CES2: variants seen among roughly 807,000 people sequenced by gnomAD.
CES2 encodes the protein carboxylesterase 2.
CES2 carries 42 observed loss-of-function variants against 52.1 expected under a neutral mutation model. The observed-to-expected ratio is 0.81, with a 90% CI of 0.63 to 1.04. The LOEUF (loss-of-function observed/expected upper bound fraction) is 1.04, where lower values mean the gene tolerates loss of function less well. CES2 is among the 50% of genes least tolerant of loss of function. CES2 has a pLI of 0.00. For synonymous variants in CES2, 277 were observed against 289.6 expected (o/e 0.96, Z 0.44); for missense variants, 656 against 724.3 (o/e 0.91, Z 1.08).
chr16:66,939,424 C>G, intron 3 of CES2, 66 bp downstream of exon 3: 1 of 1,536,366 alleles, frequency 6.5e-7, no homozygotes, highest in Non-Finnish European at 9.0e-7. Context: ...CTGAAAAGGA[C>G]AATATTAGCT....
intron 1 of CES2, among the ~76,000 whole-genome samples, chr16:66,937,354 G>A (rs11568311): frequency 0.07 from 10,706 of 152,166 alleles, 441 homozygotes; most frequent in African/African-American, 0.11. Context: ...TGTTGACACC[G>A]CAGTACACAC....
chr16:66,935,476 C>T (rs1454131387), upstream of CES2: 1 of 1,613,372 alleles, frequency 6.2e-7, no homozygotes, highest in South Asian at 1.1e-5. Flanking sequence ...CTACCACACC[C>T]ACCTTTCCCG....
At position 66,940,616 on chromosome 16, in the gene CES2, T is replaced by A; in HGVS notation, c.737T>A (p.Leu246His). The A allele has an allele frequency of 1.2e-6, 2 of 1,614,240 alleles. No homozygotes were observed. The highest frequency in any genetic ancestry group is 1.1e-5 in the South Asian group (1 of 91,086). ...GTTGTGTCCCCCATATCCCAAGGAC[T>A]CTTCCACGGAGCCATCATGGAGAGT... ...SLVVSPISQG[L>H]FHGAIMESGV... Residue 246 changes from leucine to histidine, a missense_variant, in exon 5 of 12, where the codon CTC becomes CAC. Physicochemically the swap from Leu to His is moderately conservative, Grantham distance 99 (BLOSUM62 -3). Transcript: ENST00000317091.
At position 66,943,957 on chromosome 16, in the gene CES2, T is replaced by A; in HGVS notation, c.1612T>A (p.Trp538Arg). 1 of 1,605,494 alleles carries A rather than the reference T, an allele frequency of 6.2e-7. No individual in the cohort carries two copies. The highest frequency in any genetic ancestry group is 8.5e-7 in the Non-Finnish European group (1 of 1,173,940). Reference sequence around the variant, plus strand: ...TCTGAAGGCCCACAGGCTCCAGTTCTGGAAGAAGGCGCTGCCCCAAAAGAT... The same window carrying A: ...TCTGAAGGCCCACAGGCTCCAGTTCAGGAAGAAGGCGCTGCCCCAAAAGAT... ...RALKAHRLQF[W>R]KKALPQKIQE... The change falls in exon 12 of 12, where the codon TGG becomes AGG. Residue 538 changes from tryptophan (W) to arginine (R), a missense_variant. Transcript: ENST00000317091. This position sits in a 1 kb window ranked among gnomAD's most constrained non-coding sequence, Gnocchi z 4.2.
Position 66,941,679 on chromosome 16 carries a change from G to C in CES2, c.1056+33G>C, listed in dbSNP as rs200629282. The C allele has an allele frequency of 5.8e-5, 94 of 1,613,158 alleles. No homozygotes were observed. In the African/African-American group the frequency reaches 1.1e-3, roughly 19 times the overall value. On this transcript the variant is annotated intron_variant, in intron 7 of 11. Transcript: ENST00000317091. Reference sequence around the variant, plus strand: ...CCAACCCAAGCCCACAAGTGCCTGGGGAGCCCATCTGGTAGTGGGGGGTGT... The same window carrying C: ...CCAACCCAAGCCCACAAGTGCCTGGCGAGCCCATCTGGTAGTGGGGGGTGT...
intron 8 of CES2, 47 bp from the exon 9 acceptor site, chr16:66,942,058 C>T (rs762778979): frequency 4.5e-6 from 7 of 1,573,026 alleles, no homozygotes; most frequent in African/African-American, 4.0e-5. Flanking sequence ...TCCTCCCTGC[C>T]CCTGGCATCC....
At chr16:66,937,888 T>G in intron 1 of CES2, 149 bp from the exon 2 acceptor site, 4 of 658,976 alleles carry the variant, frequency 6.1e-6, no homozygotes, top group South Asian at 1.8e-5. Context: ...GGGAAGGGAG[T>G]GTTACAGGCA....
chr16:66,936,174 A>T (rs548513166), intron 1 of CES2, among the ~76,000 whole-genome samples: 4 of 152,284 alleles, frequency 2.6e-5, no homozygotes, highest in East Asian at 3.9e-4. Context: ...TCAGACAAGG[A>T]TAGTGGTCCT....
In CES2 at chr16:66,943,900, C is replaced by T. The variant is rs775728906; in HGVS notation, c.1555C>T (p.Gln519Ter). ...PLFDQEEQYLQLNLQPAVGRA... is the reference protein window; with the variant it reads ...PLFDQEEQYL ...GTTCGACCAGGAGGAGCAATACCTGCAGCTGAACCTACAGCCTGCGGTGGG... is the reference window on the plus strand; with the variant it reads ...GTTCGACCAGGAGGAGCAATACCTGTAGCTGAACCTACAGCCTGCGGTGGG... The change falls in exon 12 of 12, where the codon CAG (glutamine) becomes TAG (stop). Residue 519 changes from glutamine (Q) to a stop codon, truncating the protein, a stop_gained. Coordinates refer to ENST00000317091, the MANE Select transcript of CES2 (RefSeq NM_001365405.1). LOFTEE classifies it low-confidence loss of function (END_TRUNC). The surrounding 1 kb of genome is among the most constrained non-coding windows in gnomAD (Gnocchi z 4.2). The T allele has an allele frequency of 6.2e-7, 1 of 1,610,292 alleles. No individual in the cohort carries two copies. The highest frequency in any genetic ancestry group is 1.3e-5 in the African/African-American group (1 of 74,986).
At chr16:66,935,319 G>A (rs1468726723), upstream of CES2, 30 of 1,096,320 alleles carry the variant, frequency 2.7e-5, no homozygotes, top group Non-Finnish European at 3.4e-5. Flanking sequence ...GGTTTGAAGA[G>A]AGGATTCCCT....
rs1011400116 is a variant in CES2, at chr16:66,940,583, C to T, written c.704C>T (p.Ser235Phe). 3.7e-6 allele frequency: 6 copies of T among 1,614,126 alleles called. No individual in the cohort carries two copies. Among genetic ancestry groups the T allele is most frequent in the Non-Finnish European group, 5.1e-6 (6 of 1,180,054 alleles). ...FGESAGGTSVSSLVVSPISQG... is the reference protein window; with the variant it reads ...FGESAGGTSVFSLVVSPISQG... ...GAGTCTGCGGGTGGCACGAGTGTGTCTTCGCTTGTTGTGTCCCCCATATCC... is the reference window on the plus strand; with the variant it reads ...GAGTCTGCGGGTGGCACGAGTGTGTTTTCGCTTGTTGTGTCCCCCATATCC... Residue 235 changes from serine (S) to phenylalanine (F), a missense_variant, in exon 5 of 12, where the codon TCT (serine) becomes TTT (phenylalanine). By Grantham distance (155) the Ser-to-Phe change is radical. Transcript: ENST00000317091.
rs760552249 is a variant in CES2, at chr16:66,938,123, G to T, written c.163G>T (p.Val55Phe). 13 of 1,614,034 alleles carry T rather than the reference G, an allele frequency of 8.1e-6. No individual in the cohort carries two copies. The highest frequency in any genetic ancestry group is 1.1e-5 in the Non-Finnish European group (13 of 1,180,034). Reference protein sequence around the residue: ...LVHVKGANAGVQTFLGIPFAK... With the variant: ...LVHVKGANAGFQTFLGIPFAK... ...CCATGTGAAGGGCGCCAATGCCGGG[G>T]TCCAAACCTTCCTGGGAATTCCATT... The change falls in exon 2 of 12, where the codon GTC (valine) becomes TTC (phenylalanine). Residue 55 changes from valine (V) to phenylalanine (F), a missense_variant. Val to Phe is a conservative substitution (Grantham distance 50, BLOSUM62 -1). Coordinates refer to ENST00000317091, the MANE Select transcript of CES2 (RefSeq NM_001365405.1).
chr16:66,935,844 G>C, intron 1 of CES2, 133 bp downstream of exon 1: 1 of 1,550,674 alleles, frequency 6.4e-7, no homozygotes, highest in Non-Finnish European at 8.7e-7. Flanking sequence ...TGGAACTCGT[G>C]AGCCCCACGC....
chr16:66,939,206 C>T lies in CES2; in HGVS notation c.282-11C>T, dbSNP rs772290367. 1 of 1,612,124 alleles carries T rather than the reference C, an allele frequency of 6.2e-7. No individual in the cohort carries two copies. The highest frequency in any genetic ancestry group is 1.3e-5 in the African/African-American group (1 of 74,746). On this transcript the variant is annotated splice_polypyrimidine_tract_variant and intron_variant, in intron 2 of 11. Coordinates refer to ENST00000317091, the MANE Select transcript of CES2 (RefSeq NM_001365405.1). ...CTGGCCCCTGGACTGATTATTTGCC[C>T]TGGTTACCAGGTGTCTACAGGACCT... is the stretch of plus-strand genomic sequence containing the variant.
Position 66,944,160 on chromosome 16 carries a change from C to G in CES2, c.*135C>G. On this transcript the variant is annotated 3_prime_UTR_variant, in exon 12 of 12. Coordinates refer to ENST00000317091, the MANE Select transcript of CES2 (RefSeq NM_001365405.1). ...CCATTCATTCATACTTCCGTCCATCCATTCAGAAAGCATTTATTAAGAATT... is the reference window on the plus strand; with the variant it reads ...CCATTCATTCATACTTCCGTCCATCGATTCAGAAAGCATTTATTAAGAATT... 1.9e-6 allele frequency: 1 copy of G among 514,818 alleles called. No individual in the cohort carries two copies. Among genetic ancestry groups the G allele is most frequent in the South Asian group, 3.3e-5 (1 of 30,228 alleles). 31.9% of individuals were successfully genotyped at this position (514,818 alleles called of 1,614,324 possible).
rs975242385 is a variant in CES2, at chr16:66,943,207, G to A, written c.1421-92G>A. On this transcript the variant is annotated intron_variant, in intron 10 of 11. Coordinates refer to ENST00000317091, the MANE Select transcript of CES2 (RefSeq NM_001365405.1). This position sits in a 1 kb window ranked among gnomAD's most constrained non-coding sequence, Gnocchi z 4.2. Reference sequence around the variant, plus strand: ...AGAAAAAGCGGAGAAGCAGGACTGGGGACCGAGGTCTCGGGGGCCAAGGAC... The same window carrying A: ...AGAAAAAGCGGAGAAGCAGGACTGGAGACCGAGGTCTCGGGGGCCAAGGAC... The A allele has an allele frequency of 4.6e-5, 60 of 1,303,234 alleles. No homozygotes were observed. Among genetic ancestry groups the A allele is most frequent in the Non-Finnish European group, 6.1e-5 (56 of 919,784 alleles). The allele number at this position is 1,303,234 out of a possible 1,614,324, so 80.7% of individuals were successfully genotyped here.
rs141056810 is a variant in CES2 at position 66,935,671 on chromosome 16, G to C, written c.36G>C (p.Ala12=). The C allele has an allele frequency of 6.2e-7, 1 of 1,602,264 alleles. No homozygotes were observed. Among genetic ancestry groups the C allele is most frequent in the Non-Finnish European group, 8.5e-7 (1 of 1,179,850 alleles). Residue 12 remains alanine (A), a synonymous_variant, in exon 1 of 12, where the codon GCG becomes GCC. Coordinates refer to ENST00000317091, the MANE Select transcript of CES2 (RefSeq NM_001365405.1). ...ACAGACTTCGTGCGCGGCTGAGCGC[G>C]GTGGCCTGTGGGCTTCTGCTGCTTC... is the stretch of plus-strand genomic sequence containing the variant. ...RLHRLRARLS[A]VACGLLLLLV...
Position 66,941,573 on chromosome 16 carries a change from CCT to C in CES2, c.986_987del (p.Ser329CysfsTer8). 1 of 1,614,174 alleles carries C rather than the reference CCT, an allele frequency of 6.2e-7. No homozygotes were observed. The highest frequency in any genetic ancestry group is 8.5e-7 in the Non-Finnish European group (1 of 1,180,014). ...CCCAGGCACCCCCAGGAGCTGCTGG[CCT>C]CTGCCGACTTTCAGCCTGTCCCTAG... On this transcript the variant is annotated frameshift_variant, in exon 7 of 12. Coordinates refer to ENST00000317091, the MANE Select transcript of CES2 (RefSeq NM_001365405.1). LOFTEE classifies it high-confidence loss of function.
At chr16:66,935,356 C>T, upstream of CES2, 2 of 1,387,376 alleles carry the variant, frequency 1.4e-6, no homozygotes, top group Admixed American at 2.2e-5. Context: ...GCAGGAATGG[C>T]ACAGCCCCTT....
Sources: allele counts gnomAD v4.1 joint callset (sites outside exome capture counted in the v4.1 genomes callset), GRCh38; gene constraint gnomAD v4.1.1; non-coding constraint Gnocchi (gnomAD v3.1); transcripts MANE v1.5; gene names NCBI Gene and HGNC (gene_info 2026-07-23, HGNC 2026-07-21).